The following HMCN1 variants were observed in gnomAD, a reference collection of about 807,000 sequenced individuals.
The protein encoded by HMCN1 is hemicentin 1, also known as hemicentin-1.
Under a neutral mutation model 625.9 loss-of-function variants are expected in HMCN1, and 321 were observed. That is an observed-to-expected ratio of 0.51 (90% CI 0.47 to 0.56). The LOEUF is 0.56. Ranked by LOEUF, HMCN1 falls within the 20% of genes least tolerant of loss-of-function variation. The pLI, the probability that HMCN1 is intolerant of heterozygous loss-of-function variation, is 0.00. For synonymous variants in HMCN1, 2,425 were observed against 2,417.6 expected, an observed-to-expected ratio of 1.00 and a Z score of -0.09; for missense variants, 6,588 against 6,887.3, an observed-to-expected ratio of 0.96 and a Z score of 1.54.
intron 105 of HMCN1, among the ~76,000 whole-genome samples, chr1:186,183,424 A>G (rs1308540890): frequency 6.6e-6 from 1 of 152,204 alleles, no homozygotes; most frequent in Non-Finnish European, 1.5e-5. Context: ...CATGTGGGCC[A>G]GAGATGAAAC....
At chr1:185,974,353 A>G (rs12059676) in intron 15 of HMCN1, among the ~76,000 whole-genome samples, 5 of 152,194 alleles carry the variant, frequency 3.3e-5, no homozygotes, top group African/African-American at 1.2e-4. Context: ...ATTATTATAT[A>G]CTAAATGATT....
At chr1:186,166,467 C>T (rs1303164351) in intron 99 of HMCN1, among the ~76,000 whole-genome samples, 164 bp downstream of exon 99, 1 of 152,218 alleles carries the variant, frequency 6.6e-6, no homozygotes, top group Non-Finnish European at 1.5e-5. Flanking sequence ...AAAGCAGGAA[C>T]ACTGTTCATG....
At chr1:185,804,388 TTA>T (rs1264490767) in intron 1 of HMCN1, among the ~76,000 whole-genome samples, 3 of 152,078 alleles carry the variant, frequency 2.0e-5, no homozygotes, top group Admixed American at 2.0e-4. Flanking sequence ...TCTGGAATGT[TTA>T]TTACCTAAAC....
chr1:186,146,078 T>G (rs1396890350), intron 93 of HMCN1, among the ~76,000 whole-genome samples, 155 bp downstream of exon 93: 1 of 151,636 alleles, frequency 6.6e-6, no homozygotes, highest in Non-Finnish European at 1.5e-5. Context: ...CAGTTCTGTA[T>G]CAATCCAAGG....
intron 41 of HMCN1, among the ~76,000 whole-genome samples, chr1:186,046,875 C>A (rs1396920248): frequency 2.0e-5 from 3 of 152,148 alleles, no homozygotes; most frequent in Admixed American, 6.5e-5. Context: ...ATGTTTATAA[C>A]ACTCTCATAA....
chr1:186,067,356 C>A (rs1389607979), intron 49 of HMCN1, among the ~76,000 whole-genome samples: 1 of 152,120 alleles, frequency 6.6e-6, no homozygotes, highest in East Asian at 1.9e-4. Context: ...CCCGATATAC[C>A]CTGCTTGCCC....
intron 11 of HMCN1, among the ~76,000 whole-genome samples, chr1:185,943,077 T>C (rs901907702): frequency 2.6e-5 from 4 of 152,256 alleles, no homozygotes; most frequent in East Asian, 1.9e-4. Flanking sequence ...GAGGAAGAGA[T>C]ACATAAGACA....
chr1:185,988,169 G>T (rs1189215384), intron 20 of HMCN1, among the ~76,000 whole-genome samples: 1 of 152,142 alleles, frequency 6.6e-6, no homozygotes, highest in Admixed American at 6.5e-5. Flanking sequence ...AAGTTCTGTG[G>T]TATAGTCACA....
At chr1:186,140,930 G>A (rs934236031) in intron 89 of HMCN1, among the ~76,000 whole-genome samples, 14 of 152,168 alleles carry the variant, frequency 9.2e-5, no homozygotes, top group African/African-American at 3.4e-4. Flanking sequence ...GCTTCAGGAT[G>A]ATTCAAGCAC....
At chr1:186,182,116 G>A (rs777190462) in intron 104 of HMCN1, 52 bp from the exon 105 acceptor site, 2 of 1,607,500 alleles carry the variant, frequency 1.2e-6, no homozygotes, top group South Asian at 1.1e-5. Context: ...CTCTGTCACA[G>A]TGTCTGCTTT....
chr1:186,154,926 G>C (rs1196353413), intron 97 of HMCN1, among the ~76,000 whole-genome samples: 2 of 152,090 alleles, frequency 1.3e-5, no homozygotes, highest in African/African-American at 4.8e-5. Context: ...ATTCTGTGGG[G>C]TTTTAATGCT....
At chr1:185,975,599 G>A (rs551100380) in intron 15 of HMCN1, among the ~76,000 whole-genome samples, 83 of 152,096 alleles carry the variant, frequency 5.5e-4, no homozygotes, top group African/African-American at 1.9e-3. Flanking sequence ...GATCCAAACC[G>A]TATCACTTAG....
At chr1:185,887,157 CT>C (rs1238707686) in intron 4 of HMCN1, among the ~76,000 whole-genome samples, 1 of 152,088 alleles carries the variant, frequency 6.6e-6, no homozygotes, top group Non-Finnish European at 1.5e-5. Context: ...CATGTGTACA[CT>C]TTCCTAGTCT....
At chr1:185,900,197 C>G (rs1304976698) in intron 4 of HMCN1, among the ~76,000 whole-genome samples, 2 of 151,912 alleles carry the variant, frequency 1.3e-5, no homozygotes, top group Non-Finnish European at 2.9e-5. Flanking sequence ...AATTTGGATT[C>G]TTGCTTTACT....
intron 45 of HMCN1, 67 bp downstream of exon 45, chr1:186,055,741 T>C: frequency 1.4e-6 from 2 of 1,458,748 alleles, no homozygotes; most frequent in South Asian, 2.3e-5. Context: ...GGATGGGAGA[T>C]ATAGGCCTCA....
At chr1:186,126,116 A>G (rs999917663) in intron 82 of HMCN1, among the ~76,000 whole-genome samples, 2 of 152,070 alleles carry the variant, frequency 1.3e-5, no homozygotes, top group African/African-American at 4.8e-5. Context: ...TCTAGAGTAA[A>G]TAATTGTAAT....
Position 186,119,839 on chromosome 1 carries a change from T to C in HMCN1, c.12051T>C (p.Pro4017=). Reference sequence around the variant, plus strand: ...GTGAAGCAACAGGGACACCCAGTCCTTTCATTACTTGGCAAAAAGAAGGCA... The same window carrying C: ...GTGAAGCAACAGGGACACCCAGTCCCTTCATTACTTGGCAAAAAGAAGGCA... The part of the protein sequence containing the change: ...LPCEATGTPS[P]FITWQKEGIN... Residue 4017 remains proline (P), a synonymous_variant, in exon 79 of 107, where the codon CCT becomes CCC. Coordinates refer to ENST00000271588, the MANE Select transcript of HMCN1 (RefSeq NM_031935.3). 6.2e-7 allele frequency: 1 copy of C among 1,614,150 alleles called. No homozygotes were observed. The highest frequency in any genetic ancestry group is 8.5e-7 in the Non-Finnish European group (1 of 1,179,990).
rs369779527 is a variant in HMCN1, at chr1:185,951,022, C to T, written c.1829-11496C>T. On this transcript the variant is annotated intron_variant, in intron 11 of 106. Transcript: ENST00000271588. ...ATAACAGGCTTTAATCTTTTTAAAGCGTGCTGCGGGATGGGATATTGGTGT... is the reference window on the plus strand; with the variant it reads ...ATAACAGGCTTTAATCTTTTTAAAGTGTGCTGCGGGATGGGATATTGGTGT... Among the ~76,000 whole-genome samples the T allele has an allele frequency of 2.1e-4, 31 of 148,806 alleles. 1 individual carries two copies. The South Asian group carries it at 4.9e-3, about 23-fold the overall frequency.
rs565586105 is a variant in HMCN1, at chr1:185,938,087, ATAAC to A, written c.1828+4268_1828+4271del. On this transcript the variant is annotated intron_variant, in intron 11 of 106. Transcript: ENST00000271588. Reference sequence around the variant, plus strand: ...TGAGAAGTCTTTCAGAATATTGAAAATAACTAACAGTTGAATAATATGATTTTTT... The same window carrying A: ...TGAGAAGTCTTTCAGAATATTGAAAATAACAGTTGAATAATATGATTTTTT... Among the ~76,000 whole-genome samples, 210 of 152,118 alleles carry A rather than the reference ATAAC, an allele frequency of 1.4e-3. 1 individual carries two copies. Among genetic ancestry groups the A allele is most frequent in the Admixed American group, 2.0e-3 (31 of 15,286 alleles).
Sources: gnomAD v4.1 joint callset for allele counts (sites outside exome capture counted in the v4.1 genomes callset) on GRCh38, gnomAD v4.1.1 for gene constraint, MANE v1.5 for transcripts, NCBI Gene and HGNC (gene_info 2026-07-23, HGNC 2026-07-21) for gene names.